TMEM184C: variants seen among roughly 807,000 people sequenced by gnomAD.
The protein encoded by TMEM184C is transmembrane protein 34.
A neutral mutation model predicts 54.5 loss-of-function variants in TMEM184C; 25 were observed. The observed-to-expected ratio is 0.46, with a 90% CI of 0.33 to 0.64. The LOEUF (loss-of-function observed/expected upper bound fraction) is 0.64. TMEM184C is among the 30% of genes least tolerant of loss of function. The pLI is 0.02. For synonymous variants in TMEM184C, 148 were observed against 181.5 expected, an observed-to-expected ratio of 0.82 and a Z score of 1.49; for missense variants, 335 against 520.3, an observed-to-expected ratio of 0.64 and a Z score of 3.46.
chr4:147,634,387 A>G lies in TMEM184C; in HGVS notation c.1270A>G (p.Thr424Ala). ...GATATCTGATGAAATCCTTAGTGAT[A>G]CTATAGGAGAGAAAAAAGAACCTTC... ...AKISDEILSD[T>A]IGEKKEPSDK... Residue 424 changes from threonine to alanine, a missense_variant, in exon 10 of 10, where the codon ACT becomes GCT. Coordinates refer to ENST00000296582, the MANE Select transcript of TMEM184C (RefSeq NM_018241.3). 3 of 1,614,024 alleles carry G rather than the reference A, an allele frequency of 1.9e-6. No individual in the cohort carries two copies. The highest frequency in any genetic ancestry group is 1.3e-5 in the African/African-American group (1 of 75,016).
In TMEM184C at chr4:147,617,699, G is replaced by C. The variant is rs1050260017; in HGVS notation, c.-258G>C. 4.8e-6 allele frequency: 2 copies of C among 420,478 alleles called. No individual in the cohort carries two copies. 26.0% of individuals were successfully genotyped at this position (420,478 alleles called of 1,614,324 possible). On this transcript the variant is annotated 5_prime_UTR_variant, in exon 1 of 10. Coordinates refer to ENST00000296582, the MANE Select transcript of TMEM184C (RefSeq NM_018241.3). ...CCTGGGATTCCACCGCAGTACAACC[G>C]GGTAGATGCGGGGTGGAGAAGAAAG...
Position 147,618,032 on chromosome 4 carries a change from A to G in TMEM184C, c.76A>G (p.Ile26Val), listed in dbSNP as rs146990959. 9.5e-5 allele frequency: 153 copies of G among 1,614,060 alleles called. No individual in the cohort carries two copies. The highest frequency in any genetic ancestry group is 1.0e-4 in the Non-Finnish European group (122 of 1,180,024). Residue 26 changes from isoleucine (I) to valine (V), a missense_variant, in exon 1 of 10, where the codon ATA becomes GTA. Transcript: ENST00000296582. Reference sequence around the variant, plus strand: ...AGTAGCGGTCATCTACCTGGTGTCAATAGTGGTTGCGGTTCCCCTATGCGT... The same window carrying G: ...AGTAGCGGTCATCTACCTGGTGTCAGTAGTGGTTGCGGTTCCCCTATGCGT... Reference protein sequence around the residue: ...PLVAVIYLVSIVVAVPLCVWE... With the variant: ...PLVAVIYLVSVVVAVPLCVWE...
At chr4:147,620,258 TTTTAC>T (rs1184333703) in intron 1 of TMEM184C, among the ~76,000 whole-genome samples, 2 of 152,284 alleles carry the variant, frequency 1.3e-5, no homozygotes, top group East Asian at 3.9e-4. Context: ...ACGATACATA[TTTTAC>T]TTTGTTTTCT....
chr4:147,623,366 C>CA (rs997309372), intron 1 of TMEM184C, among the ~76,000 whole-genome samples: 1 of 151,154 alleles, frequency 6.6e-6, no homozygotes, highest in African/African-American at 2.4e-5. Flanking sequence ...ACCCCGGAGG[C>CA]AGAGGTTGCA....
intron 4 of TMEM184C, among the ~76,000 whole-genome samples, chr4:147,627,980 T>C (rs941151106): frequency 6.8e-6 from 1 of 147,692 alleles, no homozygotes; most frequent in Non-Finnish European, 1.5e-5. Flanking sequence ...CTGGGCAACA[T>C]AGTGAGACCC....
chr4:147,618,602 GTAC>G (rs1249250772), intron 1 of TMEM184C, among the ~76,000 whole-genome samples: 2 of 152,112 alleles, frequency 1.3e-5, no homozygotes, highest in Non-Finnish European at 2.9e-5. Flanking sequence ...CATCAGTAAT[GTAC>G]TACAAGCTGG....
intron 6 of TMEM184C, among the ~76,000 whole-genome samples, chr4:147,631,008 T>C (rs768463442): frequency 6.6e-6 from 1 of 152,140 alleles, no homozygotes; most frequent in Non-Finnish European, 1.5e-5. Flanking sequence ...TGGGTTACTT[T>C]AGTTACATAG....
chr4:147,631,599 A>G (rs901783048), intron 7 of TMEM184C, 94 bp downstream of exon 7: 17 of 830,386 alleles, frequency 2.0e-5, no homozygotes, highest in Non-Finnish European at 1.9e-6. Flanking sequence ...AATGCGGAAG[A>G]TAGATTAAAA....
chr4:147,631,054 G>T (rs528760404), intron 6 of TMEM184C, among the ~76,000 whole-genome samples: 1 of 152,074 alleles, frequency 6.6e-6, no homozygotes, highest in Non-Finnish European at 1.5e-5. Context: ...CTCATAAAAT[G>T]AGTGGTCAGA....
chr4:147,624,121 T>C, intron 3 of TMEM184C, 23 bp downstream of exon 3: 6 of 1,569,964 alleles, frequency 3.8e-6, no homozygotes, highest in Non-Finnish European at 5.2e-6. Context: ...CATTTTTATC[T>C]CATTAACTAA....
In TMEM184C at chr4:147,629,641, C is replaced by T. The variant is rs1424488619; in HGVS notation, c.615C>T (p.Ser205=). The T allele has an allele frequency of 1.9e-6, 3 of 1,596,414 alleles. No individual in the cohort carries two copies. Among genetic ancestry groups the T allele is most frequent in the Non-Finnish European group, 2.6e-6 (3 of 1,173,008 alleles). ...GTATATATGACGAAGGGAACTTTAG[C>T]TTTTCAAATGCTTGGACTTATTTGG... The part of the protein sequence containing the change: ...LLGIYDEGNF[S]FSNAWTYLVI... Residue 205 remains serine, a synonymous_variant, in exon 6 of 10, where the codon AGC becomes AGT. Transcript: ENST00000296582.
chr4:147,634,102 AT>A, intron 9 of TMEM184C, 66 bp from the exon 10 acceptor site: 1 of 1,551,332 alleles, frequency 6.4e-7, no homozygotes, highest in Non-Finnish European at 8.7e-7. Context: ...TGGGGAGCTT[AT>A]TTTTAGAATG....
chr4:147,635,686 T>C lies in TMEM184C; in HGVS notation c.*1252T>C, dbSNP rs1235476593. On this transcript the variant is annotated 3_prime_UTR_variant, in exon 10 of 10. Coordinates refer to ENST00000296582, the MANE Select transcript of TMEM184C (RefSeq NM_018241.3). ...CATACAAAGTCTTTATTCCATCCACTATTATAAACATTTCTATTAAAACTA... is the reference window on the plus strand; with the variant it reads ...CATACAAAGTCTTTATTCCATCCACCATTATAAACATTTCTATTAAAACTA... 6.6e-6 allele frequency: 1 copy of C among 152,082 alleles called. No homozygotes were observed. The highest frequency in any genetic ancestry group is 1.5e-5 in the Non-Finnish European group (1 of 67,984). 9.4% of individuals were successfully genotyped at this position (152,082 alleles called of 1,614,324 possible).
At chr4:147,626,984 G>A (rs1226863567) in intron 4 of TMEM184C, among the ~76,000 whole-genome samples, 1 of 152,198 alleles carries the variant, frequency 6.6e-6, no homozygotes. Context: ...AGGGCTAGGA[G>A]GATTCTCACT....
At chr4:147,623,744 C>A (rs1428429733) in intron 1 of TMEM184C, 90 bp from the exon 2 acceptor site, 1 of 1,320,898 alleles carries the variant, frequency 7.6e-7, no homozygotes, top group Non-Finnish European at 1.1e-6. Flanking sequence ...TCCCCAAGTG[C>A]TAGGATTATA....
intron 4 of TMEM184C, among the ~76,000 whole-genome samples, chr4:147,628,110 G>C (rs760501892): frequency 7.9e-5 from 12 of 152,202 alleles, no homozygotes; most frequent in Non-Finnish European, 1.3e-4. Context: ...AGTAAGCCAT[G>C]TTCACACCAC....
chr4:147,635,493 CTG>C lies in TMEM184C; in HGVS notation c.*1060_*1061del, dbSNP rs1019452836. ...TCTCTAATTGCTAATCACAACCCCA[CTG>C]GGTCATGTTTGACATTTTATAATGA... On this transcript the variant is annotated 3_prime_UTR_variant, in exon 10 of 10. Transcript: ENST00000296582. The C allele has an allele frequency of 2.0e-5, 3 of 152,172 alleles. No individual in the cohort carries two copies. The highest frequency in any genetic ancestry group is 7.2e-5 in the African/African-American group (3 of 41,452). The allele number at this position is 152,172 out of a possible 1,614,324, so 9.4% of individuals were successfully genotyped here. A position where few individuals can be genotyped will look rare whatever the true frequency, so the allele number is the denominator to read the frequency against.
chr4:147,627,242 A>G (rs924269625), intron 4 of TMEM184C, among the ~76,000 whole-genome samples: 1 of 152,174 alleles, frequency 6.6e-6, no homozygotes, highest in Non-Finnish European at 1.5e-5. Context: ...ATGAGAAACC[A>G]TTTATAGGAT....
chr4:147,633,713 A>G, intron 8 of TMEM184C, 52 bp from the exon 9 acceptor site: 1 of 1,453,894 alleles, frequency 6.9e-7, no homozygotes, highest in South Asian at 1.6e-5. Flanking sequence ...AGCACTCTAC[A>G]AACCTAGATT....
Sources: allele counts gnomAD v4.1 joint callset (sites outside exome capture counted in the v4.1 genomes callset), GRCh38; gene constraint gnomAD v4.1.1; transcripts MANE v1.5; gene names NCBI Gene and HGNC (gene_info 2026-07-23, HGNC 2026-07-21).